Variants in IGFBP3 observed in about 807,000 individuals in gnomAD.
IGFBP3 encodes the protein insulin like growth factor binding protein 3.
A neutral mutation model predicts 28.6 loss-of-function variants in IGFBP3; 9 were observed. The observed-to-expected ratio is 0.31, with a 90% CI of 0.19 to 0.55. IGFBP3 has a LOEUF of 0.55. Among genes scored for constraint, IGFBP3 ranks in the 20% least tolerant of loss-of-function variants. The pLI, the probability that IGFBP3 is intolerant of heterozygous loss-of-function variation, is 0.93. For missense variants in IGFBP3, 382 were observed against 428.9 expected, an observed-to-expected ratio of 0.89 and a Z score of 0.97; for synonymous variants, 185 against 188.2, an observed-to-expected ratio of 0.98 and a Z score of 0.14.
rs1399522522 is a variant in IGFBP3 at position 45,912,892 on chromosome 7, C to T, written c.*958G>A. ...TCCTTCCTGTTCTGATATTACTATT[C>T]TTTTTTACATTGTGCTAAGGAGGAC... On this transcript the variant is annotated 3_prime_UTR_variant, in exon 5 of 5. Transcript: ENST00000613132. 6.6e-6 allele frequency: 1 copy of T among 152,382 alleles called. No individual in the cohort carries two copies. The highest frequency in any genetic ancestry group is 6.5e-5 in the Admixed American group (1 of 15,286). The allele number at this position is 152,382 out of a possible 1,614,324, so 9.4% of individuals were successfully genotyped here.
At chr7:45,919,411 C>T (rs945810164) in intron 1 of IGFBP3, among the ~76,000 whole-genome samples, 1 of 152,178 alleles carries the variant, frequency 6.6e-6, no homozygotes, top group African/African-American at 2.4e-5. Context: ...GAGACAAATG[C>T]CTCCAGCAGC....
chr7:45,912,897 T>A lies in IGFBP3; in HGVS notation c.*953A>T, dbSNP rs978826868. On this transcript the variant is annotated 3_prime_UTR_variant, in exon 5 of 5. Transcript: ENST00000613132. The stretch of plus-strand genomic sequence containing the variant: ...CCTGTTCTGATATTACTATTCTTTT[T>A]TACATTGTGCTAAGGAGGACAAAAG... The A allele has an allele frequency of 6.6e-6, 1 of 152,424 alleles. No individual in the cohort carries two copies. Among genetic ancestry groups the A allele is most frequent in the African/African-American group, 2.4e-5 (1 of 41,446 alleles). 9.4% of individuals were successfully genotyped at this position (152,424 alleles called of 1,614,324 possible). A position where few individuals can be genotyped will look rare whatever the true frequency, so the allele number is the denominator to read the frequency against.
rs1784559563 is a variant in IGFBP3 at position 45,912,632 on chromosome 7, C to T, written c.*1218G>A. Reference sequence around the variant, plus strand: ...GTCTCTGGGCGTGAGCTCCTTTCCTCAGTCATGGCCACAGTTGTATCATAT... The same window carrying T: ...GTCTCTGGGCGTGAGCTCCTTTCCTTAGTCATGGCCACAGTTGTATCATAT... On this transcript the variant is annotated 3_prime_UTR_variant, in exon 5 of 5. Coordinates refer to ENST00000613132, the MANE Select transcript of IGFBP3 (RefSeq NM_000598.5). 6.6e-6 allele frequency: 1 copy of T among 152,596 alleles called. No individual in the cohort carries two copies. The highest frequency in any genetic ancestry group is 1.5e-5 in the Non-Finnish European group (1 of 68,044). 9.5% of individuals were successfully genotyped at this position (152,596 alleles called of 1,614,324 possible).
intron 4 of IGFBP3, 81 bp downstream of exon 4, chr7:45,914,724 C>T (rs1784585521): frequency 7.1e-7 from 1 of 1,399,382 alleles, no homozygotes; most frequent in African/African-American, 1.4e-5. Flanking sequence ...GGGGAAGGGC[C>T]AGTGGCCACG....
rs558578341 is a variant in IGFBP3, at chr7:45,914,697, C to T, written c.*15+108G>A. ...CTCTTTCTGGCCCTGAGCTGCAGCT[C>T]CTGGGTCTGTAAGCCTGGGGAAGGG... On this transcript the variant is annotated intron_variant, in intron 4 of 4. Transcript: ENST00000613132. 3.3e-4 allele frequency: 355 copies of T among 1,084,174 alleles called. 6 individuals are homozygous for T. The South Asian group carries it at 4.8e-3, about 15-fold the overall frequency. 67.2% of individuals were successfully genotyped at this position (1,084,174 alleles called of 1,614,324 possible). A position where few individuals can be genotyped will look rare whatever the true frequency, so the allele number is the denominator to read the frequency against.
chr7:45,917,415 T>G lies in IGFBP3; in HGVS notation c.428A>C (p.Asp143Ala). The change falls in exon 2 of 5, where the codon GAC becomes GCC. Residue 143 changes from aspartate to alanine, a missense_variant. Transcript: ENST00000613132. ...GCTCTCCACACTGCCGGCGCTGCGG[T>G]CTTCCTCCGACTCACTAGCATTTCC... ...APGNASESEE[D>A]RSAGSVESPS... The G allele has an allele frequency of 1.2e-6, 2 of 1,613,222 alleles. No homozygotes were observed. Among genetic ancestry groups the G allele is most frequent in the Non-Finnish European group, 1.7e-6 (2 of 1,179,600 alleles).
chr7:45,920,850 C>T lies in IGFBP3; in HGVS notation c.291G>A (p.Ser97=). ...CCTGCAGCGGTCGCGCCTCGTCGGG[C>T]GACGGCTGGCAGCGAAGGCCGGAGC... ...RCGSGLRCQP[S]PDEARPLQAL... The change falls in exon 1 of 5, where the codon TCG becomes TCA. Residue 97 remains serine, a synonymous_variant. Transcript: ENST00000613132. 7.1e-7 allele frequency: 1 copy of T among 1,412,538 alleles called. No homozygotes were observed. The highest frequency in any genetic ancestry group is 9.2e-7 in the Non-Finnish European group (1 of 1,091,532). The allele number at this position is 1,412,538 out of a possible 1,614,324, so 87.5% of individuals were successfully genotyped here.
At chr7:45,917,126 TTGAG>T (rs1473610094) in intron 2 of IGFBP3, 83 bp downstream of exon 2, 11 of 1,102,220 alleles carry the variant, frequency 1.0e-5, no homozygotes, top group East Asian at 2.4e-5. Context: ...CTGGGGTTTG[TTGAG>T]TAAGAATTGC....
chr7:45,919,891 C>T (rs532781034), intron 1 of IGFBP3: 1 of 151,052 alleles, frequency 6.6e-6, no homozygotes, highest in Non-Finnish European at 1.5e-5. Flanking sequence ...TTTTCCTCTT[C>T]TGGGGCTCCC....
intron 2 of IGFBP3, 35 bp downstream of exon 2, chr7:45,917,178 T>G: frequency 6.5e-7 from 1 of 1,544,294 alleles, no homozygotes; most frequent in African/African-American, 1.4e-5. Flanking sequence ...TGGCAGGTCT[T>G]GCCCTCCTCC....
intron 1 of IGFBP3, 25 bp from the exon 2 acceptor site, chr7:45,917,464 C>T (rs773265083): frequency 2.6e-6 from 4 of 1,548,494 alleles, no homozygotes; most frequent in African/African-American, 1.4e-5. Flanking sequence ...GAGAGACAAA[C>T]ACATGAGAGT....
At chr7:45,918,117 A>C (rs1411276847) in intron 1 of IGFBP3, among the ~76,000 whole-genome samples, 1 of 152,120 alleles carries the variant, frequency 6.6e-6, no homozygotes, top group Non-Finnish European at 1.5e-5. Context: ...GGTCCCCGTT[A>C]CATCTCTAAA....
chr7:45,916,328 G>A (rs2116576650), intron 3 of IGFBP3, among the ~76,000 whole-genome samples: 1 of 152,336 alleles, frequency 6.6e-6, no homozygotes, highest in African/African-American at 2.4e-5. Context: ...GTGGTGGAAA[G>A]GCACTAGGGT....
In IGFBP3 at chr7:45,920,754, T is replaced by G. The variant is rs1448852476; in HGVS notation, c.387A>C (p.Pro129=). Reference sequence around the variant, plus strand: ...GCGGCTCACCTGGAGCTGGCGGCGCTGGCAGCAGGTAGGCGCGCAGGCGGC... The same window carrying G: ...GCGGCTCACCTGGAGCTGGCGGCGCGGGCAGCAGGTAGGCGCGCAGGCGGC... ...AVSRLRAYLL[P]APPAPGNASE... The change falls in exon 1 of 5, where the codon CCA becomes CCC. Residue 129 remains proline (P), a synonymous_variant. Coordinates refer to ENST00000613132, the MANE Select transcript of IGFBP3 (RefSeq NM_000598.5). 2 of 1,419,552 alleles carry G rather than the reference T, an allele frequency of 1.4e-6. No individual in the cohort carries two copies. Among genetic ancestry groups the G allele is most frequent in the Non-Finnish European group, 1.8e-6 (2 of 1,095,104 alleles). The allele number at this position is 1,419,552 out of a possible 1,614,324, so 87.9% of individuals were successfully genotyped here. A position where few individuals can be genotyped will look rare whatever the true frequency, so the allele number is the denominator to read the frequency against.
intron 4 of IGFBP3, 105 bp downstream of exon 4, chr7:45,914,699 TG>T: frequency 9.1e-7 from 1 of 1,101,958 alleles, no homozygotes; most frequent in Non-Finnish European, 1.3e-6. Context: ...CTGCAGCTCC[TG>T]GGTCTGTAAG....
At chr7:45,920,435 T>C (rs1784668610) in intron 1 of IGFBP3, 4 of 341,490 alleles carry the variant, frequency 1.2e-5, no homozygotes, top group Non-Finnish European at 1.6e-5. Context: ...CCAGGATCTT[T>C]CCAACAGCTA....
Position 45,921,153 on chromosome 7 carries a change from C to T in IGFBP3, c.-13G>A, listed in dbSNP as rs1012015567. 4 of 1,502,554 alleles carry T rather than the reference C, an allele frequency of 2.7e-6. No homozygotes were observed. The South Asian group carries it at 3.7e-5, about 14-fold the overall frequency. The allele number at this position is 1,502,554 out of a possible 1,614,324, so 93.1% of individuals were successfully genotyped here. The stretch of plus-strand genomic sequence containing the variant: ...GCGCCCGCTGCATGACGCCTGCAAC[C>T]GGGGCACGCTGCTTGGCAGGCTGGG... On this transcript the variant is annotated 5_prime_UTR_variant, in exon 1 of 5. Transcript: ENST00000613132.
intron 1 of IGFBP3, chr7:45,920,528 A>T (rs1784670161): frequency 2.3e-6 from 1 of 435,146 alleles, no homozygotes; most frequent in South Asian, 6.8e-5. Flanking sequence ...AGTACTCTGC[A>T]CTTAGAGAAT....
chr7:45,919,536 G>A (rs111709423), intron 1 of IGFBP3, among the ~76,000 whole-genome samples: 1 of 152,136 alleles, frequency 6.6e-6, no homozygotes, highest in Non-Finnish European at 1.5e-5. Context: ...AACTTCACCC[G>A]GGCGTGGAAC....
Sources: allele counts gnomAD v4.1 joint callset (sites outside exome capture counted in the v4.1 genomes callset), GRCh38; gene constraint gnomAD v4.1.1; transcripts MANE v1.5; gene names NCBI Gene and HGNC (gene_info 2026-07-23, HGNC 2026-07-21).